PDE11A: variants seen among roughly 807,000 people sequenced by gnomAD.
The protein encoded by PDE11A is phosphodiesterase 11A.
Under a neutral mutation model 100.5 loss-of-function variants are expected in PDE11A, and 100 were observed. The ratio of observed to expected loss-of-function variants is 1.00; its 90% CI spans 0.85 to 1.18. The LOEUF (loss-of-function observed/expected upper bound fraction) is 1.18, where lower values mean the gene tolerates loss of function less well. Among genes scored for constraint, PDE11A ranks in the 50% most tolerant of loss-of-function variants. The probability of loss-of-function intolerance (pLI) is 0.00; values close to 1 mark genes in which losing one functional copy is unlikely to be tolerated. For synonymous variants in PDE11A, 381 were observed against 420.8 expected (o/e 0.91, Z 1.16); for missense variants, 1,141 against 1,152.6 (o/e 0.99, Z 0.15).
At chr2:177,961,695 G>A (rs1193552757) in intron 2 of PDE11A, among the ~76,000 whole-genome samples, 4 of 151,820 alleles carry the variant, frequency 2.6e-5, no homozygotes, top group Non-Finnish European at 4.4e-5. Context: ...AATTTTATAG[G>A]AAATTTTAGA....
chr2:177,632,755 T>A (rs1371997471), intron 19 of PDE11A, among the ~76,000 whole-genome samples: 1 of 152,228 alleles, frequency 6.6e-6, no homozygotes, highest in African/African-American at 2.4e-5. Flanking sequence ...ACATTTTGGA[T>A]GCCTACTAAC....
At chr2:178,051,986 T>C (rs2086834434) in intron 1 of PDE11A, among the ~76,000 whole-genome samples, 1 of 152,002 alleles carries the variant, frequency 6.6e-6, no homozygotes, top group Non-Finnish European at 1.5e-5. Context: ...TACCCAGGAA[T>C]TGAACTCAGC....
intron 2 of PDE11A, among the ~76,000 whole-genome samples, chr2:177,989,063 T>A (rs1034177101): frequency 6.6e-6 from 1 of 152,240 alleles, no homozygotes; most frequent in African/African-American, 2.4e-5. Flanking sequence ...AAGATCCACA[T>A]ACACATGCTC....
intron 12 of PDE11A, among the ~76,000 whole-genome samples, chr2:177,719,052 A>G (rs2081486304): frequency 6.6e-6 from 1 of 152,154 alleles, no homozygotes; most frequent in Admixed American, 6.5e-5. Context: ...CTGTCATAAC[A>G]TTGGTTGTGC....
At chr2:177,881,787 G>A (rs2084347730) in intron 4 of PDE11A, among the ~76,000 whole-genome samples, 1 of 152,252 alleles carries the variant, frequency 6.6e-6, no homozygotes, top group Admixed American at 6.5e-5. Context: ...TAACAGTAGA[G>A]TGAATAGTTG....
chr2:177,774,432 A>G (rs1380908403), intron 9 of PDE11A, among the ~76,000 whole-genome samples: 1 of 152,204 alleles, frequency 6.6e-6, no homozygotes, highest in Non-Finnish European at 1.5e-5. Flanking sequence ...TGCCTTTTGC[A>G]GCAGTATTAA....
At chr2:178,035,572 C>T (rs958960618) in intron 1 of PDE11A, among the ~76,000 whole-genome samples, 1 of 151,950 alleles carries the variant, frequency 6.6e-6, no homozygotes, top group African/African-American at 2.4e-5. Flanking sequence ...AGAGAGACAA[C>T]AAAAAAAGAA....
chr2:177,819,933 C>A lies in PDE11A; in HGVS notation c.1576+287G>T, dbSNP rs2083110084. Reference sequence around the variant, plus strand: ...CTCTGGCTTTTTTTTTCACTCTCTGCCTCTATTTCCACAGGGTGAGATAAA... The same window carrying A: ...CTCTGGCTTTTTTTTTCACTCTCTGACTCTATTTCCACAGGGTGAGATAAA... On this transcript the variant is annotated intron_variant, in intron 7 of 19. Transcript: ENST00000286063. 3.1e-5 allele frequency among the ~76,000 whole-genome samples: 4 copies of A among 127,602 alleles called. No homozygotes were observed. In the South Asian group the frequency reaches 9.9e-4, roughly 32 times the overall value. The allele number at this position is 127,602 out of a possible 152,430, so 83.7% of individuals were successfully genotyped here. A position where few individuals can be genotyped will look rare whatever the true frequency, so the allele number is the denominator to read the frequency against.
chr2:177,944,803 GCTCTCCCTCTCCCTCTCCCTCTCC>G (rs56670331), intron 2 of PDE11A, among the ~76,000 whole-genome samples: 13 of 101,858 alleles, frequency 1.3e-4, no homozygotes, highest in African/African-American at 3.6e-4. Context: ...AGATGCGAGC[GCTCTCCCTCTCCCTCTCCCTCTCC>G]CTCTCCCTCT....
intron 2 of PDE11A, among the ~76,000 whole-genome samples, chr2:178,091,238 T>C (rs1263104385): frequency 6.6e-6 from 1 of 151,928 alleles, no homozygotes; most frequent in Non-Finnish European, 1.5e-5. Context: ...GGACACCTAA[T>C]TTTTGTATTT....
Position 178,071,679 on chromosome 2 carries a change from C to G in PDE11A, c.759G>C (p.Leu253Phe). 6.2e-7 allele frequency: 1 copy of G among 1,613,626 alleles called. No homozygotes were observed. The change falls in exon 1 of 20, where the codon TTG becomes TTC. Residue 253 changes from leucine to phenylalanine, a missense_variant. Leu to Phe is a conservative substitution (Grantham distance 22). Transcript: ENST00000286063. ...VEGAAAGKKT[L>F]VSKFFDVHAG... ...CATGCACATCAAAGAATTTGGAGAC[C>G]AAGGTCTTCTTGCCAGCAGCTGCCC...
intron 10 of PDE11A, among the ~76,000 whole-genome samples, chr2:177,750,915 C>T (rs1412547386): frequency 6.6e-6 from 1 of 152,116 alleles, no homozygotes; most frequent in Admixed American, 6.6e-5. Flanking sequence ...ATTACAGAAT[C>T]GCCTGGGGGC....
At chr2:178,021,857 C>T (rs896029553) in intron 1 of PDE11A, among the ~76,000 whole-genome samples, 5 of 152,100 alleles carry the variant, frequency 3.3e-5, no homozygotes, top group African/African-American at 1.2e-4. Flanking sequence ...CTCTAAAGTC[C>T]AGAGGCAATA....
At chr2:177,870,635 G>C (rs1050158170) in intron 5 of PDE11A, among the ~76,000 whole-genome samples, 8 of 152,206 alleles carry the variant, frequency 5.3e-5, no homozygotes, top group African/African-American at 1.9e-4. Context: ...CTACTTGCAA[G>C]TAATAAACGT....
At chr2:177,666,904 A>AATTTATTGATTTATTT (rs2080595928) in intron 18 of PDE11A, among the ~76,000 whole-genome samples, 1 of 141,380 alleles carries the variant, frequency 7.1e-6, no homozygotes, top group Non-Finnish European at 1.5e-5. Context: ...GATAAAGTTC[A>AATTTATTGATTTATTT]ATTTATTTAT....
At chr2:177,930,541 T>G (rs999688143) in intron 2 of PDE11A, among the ~76,000 whole-genome samples, 1 of 151,802 alleles carries the variant, frequency 6.6e-6, no homozygotes, top group African/African-American at 2.4e-5. Flanking sequence ...CTACTCTGAG[T>G]AACAGAGAAT....
At chr2:177,831,004 C>A (rs929196979) in intron 6 of PDE11A, among the ~76,000 whole-genome samples, 1 of 152,186 alleles carries the variant, frequency 6.6e-6, no homozygotes. Context: ...ATTTTTCCAC[C>A]CATAAGCCAA....
At chr2:178,019,155 C>T (rs753004462) in intron 1 of PDE11A, among the ~76,000 whole-genome samples, 3 of 152,202 alleles carry the variant, frequency 2.0e-5, no homozygotes, top group Non-Finnish European at 4.4e-5. Context: ...ATTTCCCCCT[C>T]TGTTCAGTTG....
intron 2 of PDE11A, among the ~76,000 whole-genome samples, chr2:177,921,048 C>T (rs1248998770): frequency 4.2e-5 from 6 of 142,316 alleles, no homozygotes; most frequent in South Asian, 2.2e-4. Context: ...GGCGACAGAG[C>T]GAGACTCCAT....
Sources: allele counts gnomAD v4.1 joint callset (sites outside exome capture counted in the v4.1 genomes callset), GRCh38; gene constraint gnomAD v4.1.1; transcripts MANE v1.5; gene names NCBI Gene and HGNC (gene_info 2026-07-23, HGNC 2026-07-21).